PCNX2: variants seen among roughly 807,000 people sequenced by gnomAD.
PCNX2 encodes the protein pecanex 2.
A neutral mutation model predicts 223.8 loss-of-function variants in PCNX2; 168 were observed. That is an observed-to-expected ratio of 0.75 (90% confidence interval 0.66 to 0.85). The LOEUF (loss-of-function observed/expected upper bound fraction) is 0.85, where lower values mean the gene tolerates loss of function less well. PCNX2 is among the 40% of genes least tolerant of loss of function. The pLI is 0.00. For synonymous variants in PCNX2, 1,006 were observed against 1,052.6 expected (o/e 0.96, Z 0.86); for missense variants, 2,507 against 2,675.5 (o/e 0.94, Z 1.39).
At chr1:233,311,486 A>G in the PCNX2 span, among the ~76,000 whole-genome samples, 2 of 152,362 alleles carry the variant, frequency 1.3e-5, no homozygotes, top group East Asian at 3.9e-4. Flanking sequence ...TGCAAATTAT[A>G]ATAAGAAGAA....
rs1439157762 is a variant in PCNX2, at chr1:233,120,147, A to G, written c.3837+14866T>C. ...ACACCACTGCACTCCAGCCTGGGTG[A>G]CAGTGAGACTCCATTTCAAAAAAAA... is the stretch of plus-strand genomic sequence containing the variant. On this transcript the variant is annotated intron_variant, in intron 21 of 33. Transcript: ENST00000258229. 1.4e-5 allele frequency among the ~76,000 whole-genome samples: 2 copies of G among 146,528 alleles called. 1 individual carries two copies. The highest frequency in any genetic ancestry group is 3.0e-5 in the Non-Finnish European group (2 of 66,696).
chr1:233,288,939 A>G, intron 1 of PCNX2: 2 of 1,511,150 alleles, frequency 1.3e-6, no homozygotes, highest in Admixed American at 1.7e-5. Flanking sequence ...AAAAGTTTCA[A>G]CCTTGTGTTC....
intron 25 of PCNX2, among the ~76,000 whole-genome samples, chr1:233,046,706 C>A (rs1671834533): frequency 6.6e-6 from 1 of 152,210 alleles, no homozygotes; most frequent in Non-Finnish European, 1.5e-5. Flanking sequence ...GCAGTCTAGT[C>A]TCACATAATC....
At chr1:233,028,445 T>C (rs1166850390) in intron 25 of PCNX2, among the ~76,000 whole-genome samples, 3 of 152,246 alleles carry the variant, frequency 2.0e-5, no homozygotes, top group African/African-American at 7.2e-5. Flanking sequence ...TTATGTCTTC[T>C]TGATGAATTA....
intron 10 of PCNX2, among the ~76,000 whole-genome samples, chr1:233,226,583 A>C (rs899187398): frequency 6.6e-6 from 1 of 152,052 alleles, no homozygotes; most frequent in African/African-American, 2.4e-5. Flanking sequence ...ATCATGTTTT[A>C]ACTAACCTTA....
chr1:233,142,078 G>A (rs1172635754), intron 19 of PCNX2, among the ~76,000 whole-genome samples: 1 of 152,134 alleles, frequency 6.6e-6, no homozygotes, highest in Non-Finnish European at 1.5e-5. Context: ...GGAATTCAAT[G>A]TTGAATATTC....
chr1:233,166,890 C>G (rs1462429414), intron 17 of PCNX2, among the ~76,000 whole-genome samples: 2 of 152,018 alleles, frequency 1.3e-5, no homozygotes, highest in Non-Finnish European at 2.9e-5. Context: ...GCCTGTAATT[C>G]CAGCACTTTG....
rs763852757 is a variant in PCNX2 at position 233,258,703 on chromosome 1, T to G, written c.1159A>C (p.Met387Leu). 1 of 1,613,984 alleles carries G rather than the reference T, an allele frequency of 6.2e-7. No homozygotes were observed. Among genetic ancestry groups the G allele is most frequent in the African/African-American group, 1.3e-5 (1 of 75,066 alleles). Reference sequence around the variant, plus strand: ...TGGAGGGAGCTTTCCAAATCTGTCATGGAGTTTGGGGTACTGCTCATCGTG... The same window carrying G: ...TGGAGGGAGCTTTCCAAATCTGTCAGGGAGTTTGGGGTACTGCTCATCGTG... Reference protein sequence around the residue: ...VITMSSTPNSMTDLESSLHLR... With the variant: ...VITMSSTPNSLTDLESSLHLR... The change falls in exon 5 of 34, where the codon ATG becomes CTG. Residue 387 changes from methionine (M) to leucine (L), a missense_variant. Met to Leu is a conservative substitution (Grantham distance 15). Around this residue, in one of 3 missense-constraint regions of PCNX2, gnomAD observed 1,031 missense variants for 1,021.7 expected, o/e 1.01. Transcript: ENST00000258229.
intron 23 of PCNX2, among the ~76,000 whole-genome samples, chr1:233,076,296 G>A (rs1673093002): frequency 6.6e-6 from 1 of 152,198 alleles, no homozygotes; most frequent in African/African-American, 2.4e-5. Context: ...TACCTGTGGT[G>A]TATACAGGAT....
At chr1:233,014,107 C>T (rs903965814) in intron 28 of PCNX2, among the ~76,000 whole-genome samples, 10 of 152,160 alleles carry the variant, frequency 6.6e-5, no homozygotes, top group African/African-American at 2.4e-4. Flanking sequence ...AAAGAGCCAG[C>T]AGAGTTTGAT....
At chr1:233,225,395 G>A (rs114763053) in intron 10 of PCNX2, among the ~76,000 whole-genome samples, 2,722 of 152,178 alleles carry the variant, frequency 0.018, 84 homozygotes, top group African/African-American at 0.062. Context: ...GCACTGGAAG[G>A]TTTCATAGCC....
chr1:233,110,676 G>A (rs1675063146), intron 21 of PCNX2, among the ~76,000 whole-genome samples: 1 of 151,966 alleles, frequency 6.6e-6, no homozygotes, highest in East Asian at 1.9e-4. Context: ...AGCAAGAATA[G>A]TAAACAACGG....
intron 19 of PCNX2, among the ~76,000 whole-genome samples, chr1:233,154,211 T>TG (rs1361571412): frequency 7.9e-5 from 12 of 152,146 alleles, no homozygotes; most frequent in African/African-American, 2.9e-4. Context: ...CCAGAGTAGC[T>TG]GGGACTACAG....
At position 233,139,498 on chromosome 1, in the gene PCNX2, C is replaced by A. The variant is rs1363106026; in HGVS notation, c.3659+216G>T. 4.6e-5 allele frequency among the ~76,000 whole-genome samples: 7 copies of A among 152,184 alleles called. No individual in the cohort carries two copies. Among genetic ancestry groups the A allele is most frequent in the African/African-American group, 1.7e-4 (7 of 41,442 alleles). On this transcript the variant is annotated intron_variant, in intron 20 of 33. Coordinates refer to ENST00000258229, the MANE Select transcript of PCNX2 (RefSeq NM_014801.4). This position sits in a 1 kb window ranked among gnomAD's most constrained non-coding sequence, Gnocchi z 4.4. ...ATCTACTGACATTTATTCACAATAT[C>A]ATTTCAAGCAGATCTAACTTCATTT...
intron 24 of PCNX2, 108 bp from the exon 25 acceptor site, chr1:233,054,591 A>G (rs1672120429): frequency 2.4e-6 from 2 of 848,506 alleles, no homozygotes; most frequent in Non-Finnish European, 3.6e-6. Context: ...CAGACTCTTT[A>G]TATACATAAA....
chr1:233,297,213 C>T (rs1447694428), upstream of PCNX2, among the ~76,000 whole-genome samples: 1 of 152,222 alleles, frequency 6.6e-6, no homozygotes, highest in Non-Finnish European at 1.5e-5. Flanking sequence ...ATGCAACAGT[C>T]TGTTCCCACA....
intron 1 of PCNX2, among the ~76,000 whole-genome samples, chr1:233,286,553 G>A (rs1661457504): frequency 6.6e-6 from 1 of 152,164 alleles, no homozygotes; most frequent in African/African-American, 2.4e-5. Flanking sequence ...TTTAGATCAT[G>A]TCTGAATGGG....
chr1:233,089,890 A>G, intron 23 of PCNX2, 171 bp downstream of exon 23: 2 of 1,396,210 alleles, frequency 1.4e-6, no homozygotes, highest in Non-Finnish European at 1.9e-6. Context: ...GATCCCTGAG[A>G]CCCAAGAGCT....
chr1:233,131,985 G>A (rs1676532535), intron 21 of PCNX2, among the ~76,000 whole-genome samples: 1 of 150,484 alleles, frequency 6.6e-6, no homozygotes, highest in African/African-American at 2.5e-5. Flanking sequence ...TGCCCAGGCT[G>A]GAGTGCAGTG....
Sources: gnomAD v4.1 joint callset for allele counts (sites outside exome capture counted in the v4.1 genomes callset) on GRCh38, gnomAD v4.1.1 for gene constraint, gnomAD v4.1.1 regional missense constraint, Gnocchi (gnomAD v3.1) non-coding constraint, MANE v1.5 for transcripts, NCBI Gene and HGNC (gene_info 2026-07-23, HGNC 2026-07-21) for gene names.